BTG4: variants seen among roughly 807,000 people sequenced by gnomAD.
BTG4 encodes the protein protein BTG4.
In BTG4, 10 loss-of-function variants were observed where a neutral mutation model predicts 19.3. That is an observed-to-expected ratio of 0.52 (90% confidence interval 0.32 to 0.88). BTG4 has a LOEUF of 0.88. Among genes scored for constraint, BTG4 ranks in the 40% least tolerant of loss-of-function variants. BTG4 has a pLI of 0.04. For synonymous variants in BTG4, 91 were observed against 95.7 expected, an observed-to-expected ratio of 0.95 and a Z score of 0.29; for missense variants, 238 against 281.9, an observed-to-expected ratio of 0.84 and a Z score of 1.11.
At chr11:111,451,147 A>G in the BTG4 span, 1 of 241,840 alleles carries the variant, frequency 4.1e-6, no homozygotes, top group South Asian at 5.1e-5. Context: ...GAGTGTCCAG[A>G]GACCACAGCC....
upstream of BTG4, chr11:111,514,551 C>A: frequency 1.8e-6 from 1 of 548,592 alleles, no homozygotes; most frequent in Non-Finnish European, 3.3e-6. Flanking sequence ...AGGACACAAC[C>A]CAAAGTTGAC....
At chr11:111,493,408 G>A (rs1865536847), downstream of BTG4, among the ~76,000 whole-genome samples, 1 of 152,214 alleles carries the variant, frequency 6.6e-6, no homozygotes, top group African/African-American at 2.4e-5. Context: ...TAGGGAGGCA[G>A]AGAAAATGAA....
chr11:111,489,671 T>TA (rs1436804506), intron 5 of BTG4, among the ~76,000 whole-genome samples: 1 of 151,808 alleles, frequency 6.6e-6, no homozygotes, highest in Admixed American at 6.6e-5. Context: ...AAATCCTTCA[T>TA]AAAAAATAAT....
At chr11:111,425,089 G>A in the BTG4 span, among the ~76,000 whole-genome samples, 5 of 152,290 alleles carry the variant, frequency 3.3e-5, no homozygotes, top group Admixed American at 2.6e-4. Flanking sequence ...GAAGGAAGGC[G>A]CCATTTGGGC....
rs1304128926 is a variant in BTG4 at position 111,498,246 on chromosome 11, C to T, written c.174-111G>A. The T allele has an allele frequency of 2.5e-6, 3 of 1,202,580 alleles. No individual in the cohort carries two copies. The East Asian group carries it at 7.1e-5, about 28-fold the overall frequency. The allele number at this position is 1,202,580 out of a possible 1,614,324, so 74.5% of individuals were successfully genotyped here. A position where few individuals can be genotyped will look rare whatever the true frequency, so the allele number is the denominator to read the frequency against. On this transcript the variant is annotated intron_variant, in intron 2 of 4. Transcript: ENST00000692032. Reference sequence around the variant, plus strand: ...CATAGCTCCCACCTCATCCCCTCAGCCTCCTTCCCCTCAGCCTCCTCCACC... The same window carrying T: ...CATAGCTCCCACCTCATCCCCTCAGTCTCCTTCCCCTCAGCCTCCTCCACC...
intron 4 of BTG4, chr11:111,496,588 T>C (rs1397010533): frequency 2.6e-5 from 4 of 152,182 alleles, no homozygotes; most frequent in African/African-American, 4.8e-5. Context: ...TATATACATA[T>C]AGTGTTAACA....
chr11:111,413,586 G>A, the BTG4 span, among the ~76,000 whole-genome samples: 2 of 152,252 alleles, frequency 1.3e-5, no homozygotes, highest in African/African-American at 4.8e-5. Context: ...TACCTAGTGA[G>A]AAACAGAGCT....
At chr11:111,510,562 A>G (rs904136229) in intron 1 of BTG4, among the ~76,000 whole-genome samples, 2 of 152,162 alleles carry the variant, frequency 1.3e-5, no homozygotes, top group African/African-American at 4.8e-5. Flanking sequence ...GACATGAACC[A>G]TAAAGGGAAT....
At chr11:111,428,671 C>T in the BTG4 span, among the ~76,000 whole-genome samples, 2 of 152,174 alleles carry the variant, frequency 1.3e-5, no homozygotes, top group African/African-American at 4.8e-5. Flanking sequence ...AACTTCTCTA[C>T]GCAGAGTTAC....
At chr11:111,451,003 G>A in the BTG4 span, 2 of 170,300 alleles carry the variant, frequency 1.2e-5, no homozygotes, top group African/African-American at 2.3e-5. Flanking sequence ...CTTGGTCACT[G>A]AGCCTCAACT....
the BTG4 span, among the ~76,000 whole-genome samples, chr11:111,424,540 A>G: frequency 2.0e-4 from 30 of 152,372 alleles, no homozygotes; most frequent in South Asian, 3.7e-3. Context: ...TTTGAGGCCA[A>G]TAAACTGAAT....
the BTG4 span, among the ~76,000 whole-genome samples, chr11:111,422,221 A>C: frequency 6.6e-6 from 1 of 152,188 alleles, no homozygotes; most frequent in Non-Finnish European, 1.5e-5. Flanking sequence ...TCGTTCCTCC[A>C]GCTCTGAGCC....
chr11:111,497,444 G>T (rs77609070), intron 3 of BTG4, 35 bp from the exon 4 acceptor site: 23 of 1,291,288 alleles, frequency 1.8e-5, no homozygotes, highest in South Asian at 2.3e-5. Flanking sequence ...GCTAATTAGC[G>T]ATTCAACTTT....
At chr11:111,479,394 G>A (rs560159750) in intron 5 of BTG4, among the ~76,000 whole-genome samples, 2 of 152,212 alleles carry the variant, frequency 1.3e-5, no homozygotes, top group East Asian at 3.9e-4. Flanking sequence ...AGGATCATTT[G>A]AGCCTAGGAG....
the BTG4 span, among the ~76,000 whole-genome samples, chr11:111,393,315 G>A: frequency 5.3e-5 from 8 of 152,274 alleles, no homozygotes; most frequent in East Asian, 1.2e-3. Flanking sequence ...TGTCAGCTTG[G>A]ACAGATTAGA....
upstream of BTG4, chr11:111,514,528 C>T (rs559511953): frequency 1.4e-5 from 7 of 510,524 alleles, no homozygotes; most frequent in South Asian, 1.3e-4. Context: ...ACTACTCCCC[C>T]ACTGACTCCG....
the BTG4 span, chr11:111,457,521 C>G: frequency 6.5e-6 from 1 of 152,870 alleles, no homozygotes; most frequent in South Asian, 2.1e-4. Context: ...CAAACTCCAC[C>G]CACGACCCTC....
At chr11:111,425,044 A>G in the BTG4 span, among the ~76,000 whole-genome samples, 48,186 of 152,052 alleles carry the variant, frequency 0.32, 8,135 homozygotes, top group South Asian at 0.51. Flanking sequence ...AAAGCGGATG[A>G]GCAGGTCCTT....
chr11:111,491,639 G>A (rs1323528682), downstream of BTG4, among the ~76,000 whole-genome samples: 1 of 151,438 alleles, frequency 6.6e-6, no homozygotes, highest in Non-Finnish European at 1.5e-5. Flanking sequence ...AGGAGGCTGA[G>A]GCAAGAGGAT....
Sources: gnomAD v4.1 joint callset for allele counts (sites outside exome capture counted in the v4.1 genomes callset) on GRCh38, gnomAD v4.1.1 for gene constraint, MANE v1.5 for transcripts, NCBI Gene and HGNC (gene_info 2026-07-23, HGNC 2026-07-21) for gene names.